Variants in LMF1 observed in about 807,000 individuals in gnomAD.
LMF1 encodes the protein transmembrane protein 112.
Under a neutral mutation model 60.6 loss-of-function variants are expected in LMF1, and 68 were observed. That is an observed-to-expected ratio of 1.12 (90% CI 0.92 to 1.37). LMF1 has a LOEUF of 1.37. Ranked by LOEUF, LMF1 falls within the 40% of genes most tolerant of loss-of-function variation. LMF1 has a pLI of 0.00. For missense variants in LMF1, 948 were observed against 767.2 expected, an observed-to-expected ratio of 1.24 and a Z score of -2.78; for synonymous variants, 418 against 324.7, an observed-to-expected ratio of 1.29 and a Z score of -3.09.
intron 3 of LMF1, among the ~76,000 whole-genome samples, chr16:915,543 G>A (rs540345753): frequency 2.9e-4 from 44 of 151,814 alleles, no homozygotes; most frequent in Non-Finnish European, 5.4e-4. Flanking sequence ...GGGGCATGTG[G>A]GAACATGTGG....
intron 4 of LMF1, chr16:893,382 T>A (rs1421972870): frequency 2.0e-6 from 1 of 505,078 alleles, no homozygotes; most frequent in Non-Finnish European, 3.9e-6. Flanking sequence ...AAGTTGCGTG[T>A]CTTTAAAGAG....
At chr16:907,124 A>C (rs1180700191) in intron 4 of LMF1, among the ~76,000 whole-genome samples, 1 of 152,208 alleles carries the variant, frequency 6.6e-6, no homozygotes, top group Non-Finnish European at 1.5e-5. Context: ...CTGATTTGCC[A>C]GGTGTGGTGG....
chr16:918,841 G>A (rs1022506194), intron 3 of LMF1, among the ~76,000 whole-genome samples: 2 of 148,624 alleles, frequency 1.3e-5, no homozygotes, highest in East Asian at 4.1e-4. Context: ...CCGGCATCCC[G>A]GGGCGCACCC....
rs555822990 is a variant in LMF1, at chr16:874,289, C to T, written c.898-2948G>A. On this transcript the variant is annotated intron_variant, in intron 6 of 10. Transcript: ENST00000262301. The surrounding 1 kb of genome is among the most constrained non-coding windows in gnomAD (Gnocchi z 4.1). ...GTGTGTGCGGGGCTGGCAGGGCCTC[C>T]GGGCCTCTGTCTTGAGCGGGCGTGG... 8.6e-5 allele frequency among the ~76,000 whole-genome samples: 12 copies of T among 139,054 alleles called. No individual in the cohort carries two copies. Among genetic ancestry groups the T allele is most frequent in the South Asian group, 7.7e-4 (3 of 3,882 alleles). The allele number at this position is 139,054 out of a possible 152,430, so 91.2% of individuals were successfully genotyped here.
chr16:925,977 A>C (rs2071584491), intron 3 of LMF1, among the ~76,000 whole-genome samples: 1 of 151,772 alleles, frequency 6.6e-6, no homozygotes, highest in South Asian at 2.1e-4. Context: ...TTTGCATATG[A>C]TCTGCATACG....
chr16:952,572 C>T (rs929035046), intron 2 of LMF1: 1 of 153,358 alleles, frequency 6.5e-6, no homozygotes, highest in African/African-American at 2.4e-5. Flanking sequence ...CCCGCACCAA[C>T]TCACCACCAC....
In LMF1 at chr16:871,047, G is replaced by A. The variant is rs183746370; in HGVS notation, c.1078+114C>T. 8.7e-5 allele frequency: 121 copies of A among 1,394,992 alleles called. No homozygotes were observed. The African/African-American group carries it at 8.8e-4, about 10-fold the overall frequency. The allele number at this position is 1,394,992 out of a possible 1,614,324, so 86.4% of individuals were successfully genotyped here. ...GTTCCTGGCACGCTACACTGCGGACGGCGCTGACTCTCCTCCTACCCTGGC... is the reference window on the plus strand; with the variant it reads ...GTTCCTGGCACGCTACACTGCGGACAGCGCTGACTCTCCTCCTACCCTGGC... On this transcript the variant is annotated intron_variant, in intron 7 of 10. Transcript: ENST00000262301.
rs2070992337 is a variant in LMF1 at position 907,190 on chromosome 16, A to G, written c.663+3741T>C. 1.3e-5 allele frequency among the ~76,000 whole-genome samples: 2 copies of G among 152,118 alleles called. 1 individual carries two copies. Among genetic ancestry groups the G allele is most frequent in the South Asian group, 4.1e-4 (2 of 4,822 alleles). ...GCTGAGGCAGGTGGATCACAAGGTC[A>G]GGAGGTCGAGACCATCCCGGCTAAC... On this transcript the variant is annotated intron_variant, in intron 4 of 10. Coordinates refer to ENST00000262301, the MANE Select transcript of LMF1 (RefSeq NM_022773.4).
chr16:948,772 GCC>G (rs1266203065), intron 2 of LMF1, among the ~76,000 whole-genome samples: 2 of 132,636 alleles, frequency 1.5e-5, no homozygotes, highest in Non-Finnish European at 1.6e-5. Flanking sequence ...GACAGAGTCA[GCC>G]AACGACAGAG....
At chr16:970,542 T>A (rs1365048318) in intron 1 of LMF1, among the ~76,000 whole-genome samples, 2 of 151,578 alleles carry the variant, frequency 1.3e-5, no homozygotes, top group Non-Finnish European at 2.9e-5. Flanking sequence ...GGGCTGCGGG[T>A]GGAACCGGGA....
At chr16:873,505 A>G (rs224163) in intron 6 of LMF1, 90,478 of 152,208 alleles carry the variant, frequency 0.59, 28,186 homozygotes, top group African/African-American at 0.79. Context: ...GAAGAGTGGC[A>G]TCTTTGGATG....
Position 954,376 on chromosome 16 carries a change from C to G in LMF1, c.484G>C (p.Val162Leu), listed in dbSNP as rs1030718844. 1.2e-5 allele frequency: 20 copies of G among 1,612,390 alleles called. No individual in the cohort carries two copies. The highest frequency in any genetic ancestry group is 1.6e-4 in the Middle Eastern group (1 of 6,082). Reference sequence around the variant, plus strand: ...ACTCACCAGACATGGCCCACATTAACCAGGGACATGTAGAGGCCCCACAGG... The same window carrying G: ...ACTCACCAGACATGGCCCACATTAAGCAGGGACATGTAGAGGCCCCACAGG... ...AALWGLYMSLVNVGHVWYSFG... is the reference protein window; with the variant it reads ...AALWGLYMSLLNVGHVWYSFG... The change falls in exon 2 of 11, where the codon GTT becomes CTT. Residue 162 changes from valine to leucine, a missense_variant. By Grantham distance (32) the Val-to-Leu change is conservative (BLOSUM62 1). Transcript: ENST00000262301.
intron 2 of LMF1, among the ~76,000 whole-genome samples, chr16:938,119 G>A (rs1283379870): frequency 6.6e-6 from 1 of 152,220 alleles, no homozygotes; most frequent in Non-Finnish European, 1.5e-5. Flanking sequence ...CCTCGCAGGA[G>A]AGGGGGTGGA....
rs931206865 is a variant in LMF1, at chr16:888,825, C to A, written c.729+4182G>T. ...GGTTTTAGGGACAGCTACATGGGGA[C>A]CCCGGGAGAGGGATGCACAGGTGGG... On this transcript the variant is annotated intron_variant, in intron 5 of 10. Coordinates refer to ENST00000262301, the MANE Select transcript of LMF1 (RefSeq NM_022773.4). Among the ~76,000 whole-genome samples the A allele has an allele frequency of 1.7e-4, 26 of 152,164 alleles. 1 individual carries two copies. The highest frequency in any genetic ancestry group is 6.0e-4 in the African/African-American group (25 of 41,442).
At chr16:904,629 C>T (rs1470257674) in intron 4 of LMF1, among the ~76,000 whole-genome samples, 3 of 55,044 alleles carry the variant, frequency 5.5e-5, no homozygotes, top group African/African-American at 2.6e-4. Context: ...CTCTGCACTG[C>T]CTGTGGGGAC....
chr16:931,767 G>T, intron 3 of LMF1: 1 of 1,287,214 alleles, frequency 7.8e-7, no homozygotes. Context: ...ATTTCTGCGC[G>T]ACAGTCCAAA....
chr16:919,447 T>TG (rs1488513756), intron 3 of LMF1, among the ~76,000 whole-genome samples: 1 of 119,696 alleles, frequency 8.4e-6, no homozygotes, highest in East Asian at 2.5e-4. Context: ...TGAGCCCCCC[T>TG]GGGAAAGCTC....
chr16:871,016 C>A, intron 7 of LMF1, 134 bp from the exon 8 acceptor site: 1 of 1,402,412 alleles, frequency 7.1e-7, no homozygotes. Context: ...CGAACTCACA[C>A]ACCTTGTTCC....
chr16:854,989 C>G lies in LMF1; in HGVS notation c.1530-283G>C, dbSNP rs759202195. ...AGCAGGGCCCACTTGGCAGAGGGAC[C>G]GGCCCGGGGAAGGCCAGGAGCTTCA... On this transcript the variant is annotated intron_variant, in intron 10 of 10. Coordinates refer to ENST00000262301, the MANE Select transcript of LMF1 (RefSeq NM_022773.4). 3 of 525,908 alleles carry G rather than the reference C, an allele frequency of 5.7e-6. No homozygotes were observed. In the African/African-American group the frequency reaches 5.7e-5, roughly 10 times the overall value. The allele number at this position is 525,908 out of a possible 1,614,324, so 32.6% of individuals were successfully genotyped here. A position where few individuals can be genotyped will look rare whatever the true frequency, so the allele number is the denominator to read the frequency against.
Sources: gnomAD v4.1 joint callset for allele counts (sites outside exome capture counted in the v4.1 genomes callset) on GRCh38, gnomAD v4.1.1 for gene constraint, Gnocchi (gnomAD v3.1) non-coding constraint, MANE v1.5 for transcripts, NCBI Gene and HGNC (gene_info 2026-07-23, HGNC 2026-07-21) for gene names.